The following POFUT1 variants were observed in gnomAD, a reference collection of about 807,000 sequenced individuals.
POFUT1 encodes the protein protein O-fucosyltransferase 1, also known as GDP-fucose protein O-fucosyltransferase 1.
POFUT1 carries 16 observed loss-of-function variants against 42.4 expected under a neutral mutation model. That is an observed-to-expected ratio of 0.38 (90% CI 0.26 to 0.57). The LOEUF (loss-of-function observed/expected upper bound fraction) is 0.57, where lower values mean the gene tolerates loss of function less well. Ranked by LOEUF, POFUT1 falls within the 20% of genes least tolerant of loss-of-function variation. The pLI is 0.71. For missense variants in POFUT1, 470 were observed against 504.6 expected (o/e 0.93, Z 0.66); for synonymous variants, 206 against 205.4 (o/e 1.00, Z -0.03).
chr20:32,210,034 C>G (rs756741372), intron 1 of POFUT1, 37 bp from the exon 2 acceptor site: 1 of 1,613,832 alleles, frequency 6.2e-7, no homozygotes, highest in East Asian at 2.2e-5. Flanking sequence ...CCCTCCATGC[C>G]CCAGGCCTCA....
In POFUT1 at chr20:32,223,543, G is replaced by A. The variant is rs1406542755; in HGVS notation, c.543-4720G>A. ...ATCCTGGTTTTATCCTGATATTCCAGCCCCACTGGGAGATCTACTCTGGCT... is the reference window on the plus strand; with the variant it reads ...ATCCTGGTTTTATCCTGATATTCCAACCCCACTGGGAGATCTACTCTGGCT... On this transcript the variant is annotated intron_variant, in intron 4 of 6. Coordinates refer to ENST00000375749, the MANE Select transcript of POFUT1 (RefSeq NM_015352.2). 2.4e-5 allele frequency: 24 copies of A among 985,234 alleles called. 1 individual carries two copies. The highest frequency in any genetic ancestry group is 2.7e-5 in the Non-Finnish European group (22 of 829,924). 61.0% of individuals were successfully genotyped at this position (985,234 alleles called of 1,614,324 possible).
At chr20:32,214,119 T>C (rs1214353769) in intron 2 of POFUT1, among the ~76,000 whole-genome samples, 2 of 151,614 alleles carry the variant, frequency 1.3e-5, no homozygotes, top group Non-Finnish European at 2.9e-5. Flanking sequence ...GGAAGGTACA[T>C]TAAAAAAAAA....
chr20:32,215,374 C>A lies in POFUT1; in HGVS notation c.352C>A (p.Pro118Thr), dbSNP rs1012877534. The A allele has an allele frequency of 8.1e-6, 13 of 1,613,912 alleles. No homozygotes were observed. The highest frequency in any genetic ancestry group is 1.0e-5 in the Non-Finnish European group (12 of 1,179,940). ...FMEKLAPTHW[P>T]PEKRVAYCFE... Reference sequence around the variant, plus strand: ...GGAGAAGCTGGCACCCACCCACTGGCCCCCTGAGAAGCGGGTGGCATACTG... The same window carrying A: ...GGAGAAGCTGGCACCCACCCACTGGACCCCTGAGAAGCGGGTGGCATACTG... The change falls in exon 3 of 7, where the codon CCC (proline) becomes ACC (threonine). Residue 118 changes from proline (P) to threonine (T), a missense_variant. Transcript: ENST00000375749.
At position 32,236,524 on chromosome 20, in the gene POFUT1, A is replaced by T. The variant is rs6058573; in HGVS notation, c.*1863A>T. 0.058 allele frequency: 8,822 copies of T among 152,196 alleles called. 909 individuals carry two copies. The highest frequency in any genetic ancestry group is 0.2 in the African/African-American group (8,355 of 41,492). The allele number at this position is 152,196 out of a possible 1,614,324, so 9.4% of individuals were successfully genotyped here. On this transcript the variant is annotated 3_prime_UTR_variant, in exon 7 of 7. Coordinates refer to ENST00000375749, the MANE Select transcript of POFUT1 (RefSeq NM_015352.2). Reference sequence around the variant, plus strand: ...TTGATTCATATCAGCAGTAATAATCACTTGTGTTCTGAAAGAAAGGGCACC... The same window carrying T: ...TTGATTCATATCAGCAGTAATAATCTCTTGTGTTCTGAAAGAAAGGGCACC...
chr20:32,230,901 G>T lies in POFUT1; in HGVS notation c.818G>T (p.Ser273Ile). 1 of 1,614,188 alleles carries T rather than the reference G, an allele frequency of 6.2e-7. No homozygotes were observed. Residue 273 changes from serine (S) to isoleucine (I), a missense_variant, in exon 6 of 7, where the codon AGC becomes ATC. Coordinates refer to ENST00000375749, the MANE Select transcript of POFUT1 (RefSeq NM_015352.2). ...ASPQCVGYSRSTAAPLTMTMC... is the reference protein window; with the variant it reads ...ASPQCVGYSRITAAPLTMTMC... ...CCGCAGTGTGTGGGCTACAGCCGCA[G>T]CACAGCGGCCCCCCTCACGATGACT...
intron 4 of POFUT1, among the ~76,000 whole-genome samples, chr20:32,222,410 A>G (rs2047395432): frequency 6.6e-6 from 1 of 152,196 alleles, no homozygotes; most frequent in Admixed American, 6.5e-5. Context: ...CAGCCATCAC[A>G]TCCCAACTGG....
rs775979788 is a variant in POFUT1, at chr20:32,230,825, G to A, written c.742G>A (p.Ala248Thr). 1.2e-5 allele frequency: 19 copies of A among 1,613,228 alleles called. No homozygotes were observed. The highest frequency in any genetic ancestry group is 4.0e-5 in the African/African-American group (3 of 74,920). The stretch of plus-strand genomic sequence containing the variant: ...TGTTCCCCGCTCTCCGTAGAAGAAC[G>A]CCTGTGCCATGCTGAAGGACGGGAC... ...HLRIGSDWKN[A>T]CAMLKDGTAG... is the part of the protein sequence containing the mutation. The change falls in exon 6 of 7, where the codon GCC (alanine) becomes ACC (threonine). Residue 248 changes from alanine (A) to threonine (T), a missense_variant. Coordinates refer to ENST00000375749, the MANE Select transcript of POFUT1 (RefSeq NM_015352.2).
intron 1 of POFUT1, among the ~76,000 whole-genome samples, chr20:32,208,276 C>G (rs1334286068): frequency 6.6e-6 from 1 of 152,152 alleles, no homozygotes; most frequent in African/African-American, 2.4e-5. Flanking sequence ...AAAACTGAGG[C>G]TGGGAGAGGT....
chr20:32,222,840 TG>T lies in POFUT1; in HGVS notation c.543-5421del, dbSNP rs565148929. 6.9e-4 allele frequency: 677 copies of T among 985,436 alleles called. 1 individual carries two copies. The highest frequency in any genetic ancestry group is 7.9e-4 in the Non-Finnish European group (652 of 829,942). 61.0% of individuals were successfully genotyped at this position (985,436 alleles called of 1,614,324 possible). A position where few individuals can be genotyped will look rare whatever the true frequency, so the allele number is the denominator to read the frequency against. ...CGTGCCAAACCATTCTCAGGTATAATGGTCCAGGAATTTGAGCGCATGGCTT... is the reference window on the plus strand; with the variant it reads ...CGTGCCAAACCATTCTCAGGTATAATGTCCAGGAATTTGAGCGCATGGCTT... On this transcript the variant is annotated intron_variant, in intron 4 of 6. Coordinates refer to ENST00000375749, the MANE Select transcript of POFUT1 (RefSeq NM_015352.2).
At chr20:32,227,171 G>A (rs1393025334) in intron 4 of POFUT1, among the ~76,000 whole-genome samples, 1 of 152,110 alleles carries the variant, frequency 6.6e-6, no homozygotes, top group Non-Finnish European at 1.5e-5. Flanking sequence ...GCTGCTGAGA[G>A]GTAGTCTGGG....
chr20:32,228,918 G>T (rs1270862685), intron 5 of POFUT1, among the ~76,000 whole-genome samples: 1 of 152,228 alleles, frequency 6.6e-6, no homozygotes, highest in Non-Finnish European at 1.5e-5. Context: ...TCACCTCTGT[G>T]TGAAAATAAC....
Position 32,231,081 on chromosome 20 carries a change from G to A in POFUT1, c.978+20G>A. On this transcript the variant is annotated intron_variant, in intron 6 of 6. Transcript: ENST00000375749. ...GGGAAGGTATGTGTGGGCCAAGTGG[G>A]AGTGCAGTAGGAAGGGAATGAAAGG... 6.2e-7 allele frequency: 1 copy of A among 1,613,680 alleles called. No homozygotes were observed. The highest frequency in any genetic ancestry group is 8.5e-7 in the Non-Finnish European group (1 of 1,179,870).
rs930321236 is a variant in POFUT1, at chr20:32,216,804, A to G, written c.542+83A>G. 13 of 1,375,622 alleles carry G rather than the reference A, an allele frequency of 9.5e-6. No homozygotes were observed. In the African/African-American group the frequency reaches 1.6e-4, roughly 17 times the overall value. The allele number at this position is 1,375,622 out of a possible 1,614,324, so 85.2% of individuals were successfully genotyped here. ...TTCAGCACCTTCTGGCACTCTCCCC[A>G]TCTTCCCAACTCTGATGTATGAGAC... On this transcript the variant is annotated intron_variant, in intron 4 of 6. Coordinates refer to ENST00000375749, the MANE Select transcript of POFUT1 (RefSeq NM_015352.2).
rs140900043 is a variant in POFUT1, at chr20:32,230,950, G to A, written c.867G>A (p.Glu289=). The A allele has an allele frequency of 2.0e-4, 317 of 1,614,228 alleles. No individual in the cohort carries two copies. The African/African-American group carries it at 3.6e-3, about 18-fold the overall frequency. Residue 289 remains glutamate (E), a synonymous_variant, in exon 6 of 7, where the codon GAG becomes GAA. Coordinates refer to ENST00000375749, the MANE Select transcript of POFUT1 (RefSeq NM_015352.2). ...CTATGTGCCTGCCTGACCTGAAGGA[G>A]ATCCAGAGGGCTGTGAAGCTCTGGG... ...TMTMCLPDLK[E]IQRAVKLWVR...
chr20:32,233,732 A>G (rs2047455095), intron 6 of POFUT1, among the ~76,000 whole-genome samples: 1 of 152,172 alleles, frequency 6.6e-6, no homozygotes, highest in East Asian at 1.9e-4. Context: ...TCAGGGGTAG[A>G]TTGGACGGAC....
chr20:32,216,513 A>G (rs1157416178), intron 3 of POFUT1, 96 bp from the exon 4 acceptor site: 2 of 743,998 alleles, frequency 2.7e-6, no homozygotes, highest in Admixed American at 4.2e-5. Flanking sequence ...GGCCTGAGTC[A>G]CATCACCCAG....
At chr20:32,214,771 G>A (rs1197555328) in intron 2 of POFUT1, among the ~76,000 whole-genome samples, 2 of 152,180 alleles carry the variant, frequency 1.3e-5, no homozygotes, top group Non-Finnish European at 2.9e-5. Flanking sequence ...CACAAGGGAT[G>A]TTACTGTTTG....
chr20:32,215,541 A>T, intron 3 of POFUT1, 90 bp downstream of exon 3: 1 of 1,096,800 alleles, frequency 9.1e-7, no homozygotes, highest in Non-Finnish European at 1.3e-6. Flanking sequence ...GGGGAAAAGC[A>T]CCAGAAGGAC....
In POFUT1 at chr20:32,231,047, C is replaced by G; in HGVS notation, c.964C>G (p.Leu322Val). 6.2e-7 allele frequency: 1 copy of G among 1,614,172 alleles called. No homozygotes were observed. Among genetic ancestry groups the G allele is most frequent in the Non-Finnish European group, 8.5e-7 (1 of 1,180,024 alleles). Residue 322 changes from leucine to valine, a missense_variant, in exon 6 of 7, where the codon CTC becomes GTC. By Grantham distance (32) the Leu-to-Val change is conservative. Coordinates refer to ENST00000375749, the MANE Select transcript of POFUT1 (RefSeq NM_015352.2). ...SESYVPELQQ[L>V]FKGKVKVVSL... is the part of the protein sequence containing the mutation. Reference sequence around the variant, plus strand: ...GAGTTATGTGCCTGAGCTCCAACAGCTCTTCAAAGGGAAGGTATGTGTGGG... The same window carrying G: ...GAGTTATGTGCCTGAGCTCCAACAGGTCTTCAAAGGGAAGGTATGTGTGGG...
Sources: allele counts gnomAD v4.1 joint callset (sites outside exome capture counted in the v4.1 genomes callset), GRCh38; gene constraint gnomAD v4.1.1; transcripts MANE v1.5; gene names NCBI Gene and HGNC (gene_info 2026-07-23, HGNC 2026-07-21).